ABCA12: variants seen among roughly 807,000 people sequenced by gnomAD.
The protein encoded by ABCA12 is glucosylceramide transporter ABCA12.
A neutral mutation model predicts 293.5 loss-of-function variants in ABCA12; 156 were observed. The ratio of observed to expected loss-of-function variants is 0.53; its 90% CI spans 0.47 to 0.61. ABCA12 has a LOEUF of 0.61. Ranked by LOEUF, ABCA12 falls within the 20% of genes least tolerant of loss-of-function variation. ABCA12 has a pLI of 0.00. For synonymous variants in ABCA12, 1,063 were observed against 1,108.0 expected, an observed-to-expected ratio of 0.96 and a Z score of 0.81; for missense variants, 2,797 against 3,090.2, an observed-to-expected ratio of 0.91 and a Z score of 2.25.
chr2:215,086,252 T>C (rs1702035537), intron 2 of ABCA12, among the ~76,000 whole-genome samples: 1 of 152,240 alleles, frequency 6.6e-6, no homozygotes, highest in Non-Finnish European at 1.5e-5. Context: ...CAACTATCAA[T>C]TAACTTTTGT....
rs143605938 is a variant in ABCA12, at chr2:215,019,641, G to A, written c.1443C>T (p.Thr481=). Residue 481 remains threonine (T), a synonymous_variant, in exon 12 of 53, where the codon ACC becomes ACT. Transcript: ENST00000272895. ...LQLLEAAELG[T]EIAASLLYHD... Reference sequence around the variant, plus strand: ...GGTACAGTAAGCTGGCTGCTATTTCGGTGCCCAGCTCTGCCGCTTCGAGGA... The same window carrying A: ...GGTACAGTAAGCTGGCTGCTATTTCAGTGCCCAGCTCTGCCGCTTCGAGGA... 37 of 1,613,934 alleles carry A rather than the reference G, an allele frequency of 2.3e-5. No homozygotes were observed. The highest frequency in any genetic ancestry group is 1.3e-4 in the East Asian group (6 of 44,882).
At chr2:214,941,052 G>A (rs1313753872) in intron 50 of ABCA12, among the ~76,000 whole-genome samples, 3 of 152,096 alleles carry the variant, frequency 2.0e-5, no homozygotes, top group African/African-American at 7.2e-5. Flanking sequence ...TAATTGAGAT[G>A]TTAGGGTGTT....
chr2:215,045,765 A>G (rs80185525), intron 7 of ABCA12, 72 bp downstream of exon 7: 26,178 of 1,366,326 alleles, frequency 0.019, 336 homozygotes, highest in Non-Finnish European at 0.023. Flanking sequence ...AACAGTAATC[A>G]TCACAGGTAA....
intron 38 of ABCA12, 131 bp downstream of exon 38, chr2:214,968,589 C>A: frequency 1.2e-6 from 1 of 833,444 alleles, no homozygotes. Context: ...ATTGGAACCA[C>A]TGTGCCCTGG....
intron 1 of ABCA12, among the ~76,000 whole-genome samples, chr2:215,131,118 G>A (rs1703045283): frequency 6.6e-6 from 1 of 151,830 alleles, no homozygotes; most frequent in Admixed American, 6.6e-5. Flanking sequence ...ATGTGCTGTT[G>A]TAGTTTACCA....
intron 38 of ABCA12, among the ~76,000 whole-genome samples, chr2:214,967,443 T>C (rs1699289051): frequency 6.6e-6 from 1 of 152,176 alleles, no homozygotes; most frequent in African/African-American, 2.4e-5. Context: ...AATTATAACC[T>C]ACCAAATGGG....
At chr2:215,046,716 T>G (rs940072102) in intron 6 of ABCA12, among the ~76,000 whole-genome samples, 7 of 152,062 alleles carry the variant, frequency 4.6e-5, no homozygotes, top group African/African-American at 1.7e-4. Context: ...GTTCTCTCAT[T>G]GTATGTGGGG....
intron 34 of ABCA12, among the ~76,000 whole-genome samples, chr2:214,975,416 A>G (rs750838069): frequency 3.3e-5 from 5 of 152,228 alleles, no homozygotes; most frequent in African/African-American, 4.8e-5. Context: ...TTGTATATGT[A>G]ACATTATATT....
chr2:214,956,133 G>A (rs543659391), intron 42 of ABCA12, among the ~76,000 whole-genome samples: 2 of 152,220 alleles, frequency 1.3e-5, no homozygotes, highest in South Asian at 4.2e-4. Context: ...GCTAATTAAG[G>A]GTTACTACCA....
rs371423071 is a variant in ABCA12 at position 214,989,128 on chromosome 2, G to A, written c.3829+201C>T. ...TGGGAGGTGGAGGTTGCAGTGAGCCGAGATCACGCCACTGCACTCCAGCCT... is the reference window on the plus strand; with the variant it reads ...TGGGAGGTGGAGGTTGCAGTGAGCCAAGATCACGCCACTGCACTCCAGCCT... On this transcript the variant is annotated intron_variant, in intron 26 of 52. Transcript: ENST00000272895. Among the ~76,000 whole-genome samples the A allele has an allele frequency of 8.7e-4, 120 of 137,582 alleles. 4 individuals are homozygous for A. In the South Asian group the frequency reaches 0.027, roughly 30 times the overall value. The allele number at this position is 137,582 out of a possible 152,430, so 90.3% of individuals were successfully genotyped here.
At chr2:215,120,792 G>A (rs1381670192) in intron 1 of ABCA12, among the ~76,000 whole-genome samples, 5 of 152,150 alleles carry the variant, frequency 3.3e-5, no homozygotes, top group Admixed American at 3.3e-4. Context: ...ATATTAAGGT[G>A]AAATCTTTCT....
intron 45 of ABCA12, among the ~76,000 whole-genome samples, chr2:214,950,353 T>C (rs1698717080): frequency 9.2e-6 from 1 of 108,136 alleles, no homozygotes; most frequent in Non-Finnish European, 2.1e-5. Context: ...TATGTGTGTG[T>C]ATATATATAT....
chr2:215,104,773 A>T (rs998727602), intron 2 of ABCA12, among the ~76,000 whole-genome samples: 1 of 152,192 alleles, frequency 6.6e-6, no homozygotes, highest in Non-Finnish European at 1.5e-5. Context: ...TACACAAAAA[A>T]TCTCTCCTAC....
chr2:215,037,201 TTTAA>T, intron 7 of ABCA12, 136 bp from the exon 8 acceptor site: 1 of 710,764 alleles, frequency 1.4e-6, no homozygotes, highest in Middle Eastern at 3.5e-4. Context: ...CTTTTTGTAA[TTTAA>T]TTACTTGTTT....
In ABCA12 at chr2:215,021,291, C is replaced by T. The variant is rs944052660; in HGVS notation, c.1288-1495G>A. Among the ~76,000 whole-genome samples the T allele has an allele frequency of 4.6e-5, 7 of 152,148 alleles. No homozygotes were observed. The South Asian group carries it at 6.2e-4, about 14-fold the overall frequency. Reference sequence around the variant, plus strand: ...TTGGAAGTGTCTGCACCGTTATTGACGTTATTTTCTCTCTTAGGTATTACA... The same window carrying T: ...TTGGAAGTGTCTGCACCGTTATTGATGTTATTTTCTCTCTTAGGTATTACA... On this transcript the variant is annotated intron_variant, in intron 11 of 52. Coordinates refer to ENST00000272895, the MANE Select transcript of ABCA12 (RefSeq NM_173076.3).
chr2:215,004,279 A>T lies in ABCA12; in HGVS notation c.2613T>A (p.Phe871Leu), dbSNP rs145608321. 6.2e-7 allele frequency: 1 copy of T among 1,613,296 alleles called. No individual in the cohort carries two copies. Among genetic ancestry groups the T allele is most frequent in the Non-Finnish European group, 8.5e-7 (1 of 1,179,618 alleles). ...CGGAGAACTTTACAAAAACTTGCAC[A>T]AAAGGGTTCCTTAGAGTATTCTAAC... ...PMLQNTLRNPFVQVFVKFSVG... is the reference protein window; with the variant it reads ...PMLQNTLRNPLVQVFVKFSVG... Residue 871 changes from phenylalanine to leucine, a missense_variant, in exon 20 of 53, where the codon TTT (phenylalanine) becomes TTA (leucine). Physicochemically the swap from Phe to Leu is conservative, Grantham distance 22. This residue lies in a region of ABCA12 where 2,130 missense variants were observed against 2,427.0 expected (regional missense o/e 0.88). Transcript: ENST00000272895.
Position 215,133,445 on chromosome 2 carries a change from G to C in ABCA12, c.69+4695C>G, listed in dbSNP as rs117376884. The stretch of plus-strand genomic sequence containing the variant: ...TTTACATAATCTCATACTTCTCATA[G>C]ACTTCGTCATCTTAATGGAAGACAA... On this transcript the variant is annotated intron_variant, in intron 1 of 52. Transcript: ENST00000272895. Among the ~76,000 whole-genome samples, 432 of 151,784 alleles carry C rather than the reference G, an allele frequency of 2.8e-3. 5 individuals carry two copies. In the East Asian group the frequency reaches 0.033, roughly 12 times the overall value.
intron 52 of ABCA12, 35 bp downstream of exon 52, chr2:214,934,043 G>T: frequency 6.2e-7 from 1 of 1,600,076 alleles, no homozygotes; most frequent in South Asian, 1.1e-5. Flanking sequence ...ATTAATATGT[G>T]ACGTTGTGCA....
chr2:215,103,263 CTTTCTTTTTTT>C (rs1230799893), intron 2 of ABCA12, among the ~76,000 whole-genome samples: 2 of 81,376 alleles, frequency 2.5e-5, no homozygotes, highest in African/African-American at 3.7e-5. Context: ...CTTAAAATTT[CTTTCTTTTTTT>C]TTTTTTTTTT....
Sources: gnomAD v4.1 joint callset for allele counts (sites outside exome capture counted in the v4.1 genomes callset) on GRCh38, gnomAD v4.1.1 for gene constraint, gnomAD v4.1.1 regional missense constraint, MANE v1.5 for transcripts, NCBI Gene and HGNC (gene_info 2026-07-23, HGNC 2026-07-21) for gene names.